FGF14: variants seen among roughly 807,000 people sequenced by gnomAD.
FGF14 encodes fibroblast growth factor 14.
A neutral mutation model predicts 25.5 loss-of-function variants in FGF14; 5 were observed. That is an observed-to-expected ratio of 0.20 (90% CI 0.10 to 0.41). The LOEUF (loss-of-function observed/expected upper bound fraction) is 0.41. Ranked by LOEUF, FGF14 falls within the 10% of genes least tolerant of loss-of-function variation. The probability of loss-of-function intolerance (pLI) is 1.00; values close to 1 mark genes in which losing one functional copy is unlikely to be tolerated. For missense variants in FGF14, 222 were observed against 320.1 expected (o/e 0.69, Z 2.34); for synonymous variants, 138 against 118.3 (o/e 1.17, Z -1.08).
At chr13:102,032,433 G>A (rs975068680) in intron 1 of FGF14, among the ~76,000 whole-genome samples, 4 of 152,102 alleles carry the variant, frequency 2.6e-5, no homozygotes, top group Admixed American at 6.5e-5. Flanking sequence ...AAAAAGGTGC[G>A]AGAACAGCCA....
chr13:101,990,646 C>CT (rs1260273420), intron 1 of FGF14, among the ~76,000 whole-genome samples: 1 of 152,058 alleles, frequency 6.6e-6, no homozygotes, highest in East Asian at 1.9e-4. Context: ...TTTGGGGTGG[C>CT]TCATGCACAG....
chr13:101,994,433 A>G (rs916879246), intron 1 of FGF14, among the ~76,000 whole-genome samples: 1 of 151,966 alleles, frequency 6.6e-6, no homozygotes, highest in Non-Finnish European at 1.5e-5. Context: ...TTATGGGAGG[A>G]CTTATTGCCA....
At chr13:101,993,199 A>G (rs901709105) in intron 1 of FGF14, among the ~76,000 whole-genome samples, 1 of 151,368 alleles carries the variant, frequency 6.6e-6, no homozygotes, top group Non-Finnish European at 1.5e-5. Flanking sequence ...ATTAAAAAAA[A>G]AAAAACCCAC....
chr13:102,322,582 C>T (rs2056286596), intron 1 of FGF14, among the ~76,000 whole-genome samples: 1 of 152,122 alleles, frequency 6.6e-6, no homozygotes, highest in African/African-American at 2.4e-5. Flanking sequence ...GAAGTCTTCT[C>T]ATACTTATAA....
chr13:102,119,833 C>A (rs1026955149), intron 1 of FGF14, among the ~76,000 whole-genome samples: 12 of 152,298 alleles, frequency 7.9e-5, no homozygotes, highest in South Asian at 2.1e-4. Flanking sequence ...TGTTTGAACA[C>A]TTTTATCACA....
chr13:102,261,384 A>G (rs1251608278), intron 1 of FGF14, among the ~76,000 whole-genome samples: 2 of 152,198 alleles, frequency 1.3e-5, no homozygotes, highest in East Asian at 3.9e-4. Context: ...AAGAAATGGG[A>G]AAAAAATGAA....
chr13:101,995,093 A>T (rs1305767050), intron 1 of FGF14, among the ~76,000 whole-genome samples: 1 of 152,164 alleles, frequency 6.6e-6, no homozygotes, highest in Non-Finnish European at 1.5e-5. Context: ...TGAATAGAGC[A>T]TATTGTTAAA....
At chr13:102,325,232 C>G (rs1020678561) in intron 1 of FGF14, among the ~76,000 whole-genome samples, 8 of 151,726 alleles carry the variant, frequency 5.3e-5, no homozygotes, top group African/African-American at 1.7e-4. Flanking sequence ...TTTAATTAAA[C>G]CTGGAATTTT....
chr13:102,335,236 A>G (rs1282372163), intron 1 of FGF14, among the ~76,000 whole-genome samples: 1 of 152,176 alleles, frequency 6.6e-6, no homozygotes, highest in Admixed American at 6.6e-5. Context: ...CATCTTCACC[A>G]ATGCACAAAC....
intron 1 of FGF14, among the ~76,000 whole-genome samples, chr13:102,348,794 G>A (rs140744921): frequency 6.0e-4 from 92 of 152,312 alleles, no homozygotes; most frequent in Non-Finnish European, 9.6e-4. Context: ...CAATTTAGCC[G>A]GGTGTTGGGT....
intron 1 of FGF14, among the ~76,000 whole-genome samples, chr13:102,275,262 T>TCTTTCTCTCTCTCTCTCTCTCTCTCTCTC (rs1555391875): frequency 1.5e-5 from 1 of 68,916 alleles, no homozygotes; most frequent in African/African-American, 5.0e-5. Context: ...CTCTCTCTCT[T>TCTTTCTCTCTCTCTCTCTCTCTCTCTCTC]TCTCTCTCTC....
intron 1 of FGF14, among the ~76,000 whole-genome samples, chr13:102,357,642 A>G (rs1232715080): frequency 6.6e-6 from 1 of 152,172 alleles, no homozygotes; most frequent in African/African-American, 2.4e-5. Flanking sequence ...TAAAATGTGG[A>G]CAGAAATAAT....
chr13:101,936,401 C>A (rs2893078), intron 1 of FGF14, among the ~76,000 whole-genome samples: 54 of 152,314 alleles, frequency 3.5e-4, no homozygotes, highest in African/African-American at 1.3e-3. Flanking sequence ...TCTCCTAACC[C>A]TAAACATTGC....
At chr13:102,325,634 A>G (rs1287531978) in intron 1 of FGF14, among the ~76,000 whole-genome samples, 1 of 152,130 alleles carries the variant, frequency 6.6e-6, no homozygotes, top group Non-Finnish European at 1.5e-5. Flanking sequence ...TAAAATTTCA[A>G]TTTGCAACCT....
chr13:101,977,050 T>C (rs1186486960), intron 1 of FGF14, among the ~76,000 whole-genome samples: 1 of 152,210 alleles, frequency 6.6e-6, no homozygotes, highest in African/African-American at 2.4e-5. Context: ...ATATGCAGTT[T>C]CTTTATAGAA....
intron 1 of FGF14, among the ~76,000 whole-genome samples, chr13:102,106,462 T>C (rs1409155101): frequency 6.6e-6 from 1 of 151,712 alleles, no homozygotes; most frequent in Non-Finnish European, 1.5e-5. Context: ...TAATCCCAGT[T>C]ATTTGGGAGG....
At chr13:101,844,330 A>G (rs1481311564) in intron 3 of FGF14, among the ~76,000 whole-genome samples, 2 of 151,998 alleles carry the variant, frequency 1.3e-5, no homozygotes, top group African/African-American at 4.8e-5. Flanking sequence ...TGCACTCTCA[A>G]CCTCACAAGA....
intron 1 of FGF14, among the ~76,000 whole-genome samples, chr13:102,145,144 A>G (rs894620113): frequency 6.6e-6 from 1 of 152,194 alleles, no homozygotes; most frequent in African/African-American, 2.4e-5. Context: ...TATTGTGGGT[A>G]GGCATATGAA....
At chr13:102,030,119 T>C (rs927826449) in intron 1 of FGF14, among the ~76,000 whole-genome samples, 2 of 152,100 alleles carry the variant, frequency 1.3e-5, no homozygotes, top group Admixed American at 6.6e-5. Flanking sequence ...TATAATACCA[T>C]TATTTATTGA....
Sources: gnomAD v4.1 joint callset for allele counts (sites outside exome capture counted in the v4.1 genomes callset) on GRCh38, gnomAD v4.1.1 for gene constraint, MANE v1.5 for transcripts, NCBI Gene and HGNC (gene_info 2026-07-23, HGNC 2026-07-21) for gene names.